PIWIL3: variants seen among roughly 807,000 people sequenced by gnomAD.
PIWIL3 encodes the protein piwi-like protein 3.
Under a neutral mutation model 109.7 loss-of-function variants are expected in PIWIL3, and 101 were observed. That is an observed-to-expected ratio of 0.92 (90% CI 0.78 to 1.09). The LOEUF (loss-of-function observed/expected upper bound fraction) is 1.09. Ranked by LOEUF, PIWIL3 falls within the 50% of genes least tolerant of loss-of-function variation. The probability of loss-of-function intolerance (pLI) is 0.00; values close to 1 mark genes in which losing one functional copy is unlikely to be tolerated. For missense variants in PIWIL3, 1,031 were observed against 1,072.6 expected (o/e 0.96, Z 0.54); for synonymous variants, 373 against 376.4 (o/e 0.99, Z 0.10).
intron 9 of PIWIL3, among the ~76,000 whole-genome samples, chr22:24,750,347 C>T (rs1318412344): frequency 6.6e-6 from 1 of 152,128 alleles, no homozygotes; most frequent in Non-Finnish European, 1.5e-5. Flanking sequence ...ATTGAGGAAT[C>T]CATGTCTTAC....
In PIWIL3 at chr22:24,761,806, C is replaced by G. The variant is rs576983259; in HGVS notation, c.102+592G>C. 167 of 305,124 alleles carry G rather than the reference C, an allele frequency of 5.5e-4. 1 individual carries two copies. Among genetic ancestry groups the G allele is most frequent in the Non-Finnish European group, 7.3e-4 (152 of 208,344 alleles). 18.9% of individuals were successfully genotyped at this position (305,124 alleles called of 1,614,324 possible). On this transcript the variant is annotated intron_variant, in intron 2 of 20. Coordinates refer to ENST00000616349, the MANE Select transcript of PIWIL3 (RefSeq NM_001255975.1). ...TATGTTGAAAACCGAGAATTAGGACCAGGAGGAGGAATTGAGGTTGGAGGG... is the reference window on the plus strand; with the variant it reads ...TATGTTGAAAACCGAGAATTAGGACGAGGAGGAGGAATTGAGGTTGGAGGG...
intron 1 of PIWIL3, among the ~76,000 whole-genome samples, chr22:24,768,226 G>T (rs1925911038): frequency 6.6e-6 from 1 of 151,290 alleles, no homozygotes; most frequent in South Asian, 2.1e-4. Flanking sequence ...TTTTGTTGTT[G>T]TTTTTTGTTG....
At chr22:24,723,351 TAAG>T (rs1389885904) in intron 18 of PIWIL3, 96 bp from the exon 19 acceptor site, 57 of 1,293,272 alleles carry the variant, frequency 4.4e-5, no homozygotes, top group Middle Eastern at 2.6e-4. Flanking sequence ...TAGGACCCAT[TAAG>T]AAGAACAGAC....
rs1922532971 is a variant in PIWIL3, at chr22:24,719,515, T to C, written c.2579A>G (p.Gln860Arg). 4 of 1,605,870 alleles carry C rather than the reference T, an allele frequency of 2.5e-6. No homozygotes were observed. Among genetic ancestry groups the C allele is most frequent in the Middle Eastern group, 1.7e-4 (1 of 6,012 alleles). The stretch of plus-strand genomic sequence containing the variant: ...AGTTGACAAGGAACGATTCGGTTCC[T>C]GGTGAATGGACTGCCCCACGAGGTA... ...LAYLVGQSIH[Q>R]EPNRSLSTRL... Residue 860 changes from glutamine (Q) to arginine (R), a missense_variant, in exon 21 of 21, where the codon CAG becomes CGG. Gln to Arg is a conservative substitution (Grantham distance 43, BLOSUM62 1). Transcript: ENST00000616349.
intron 1 of PIWIL3, among the ~76,000 whole-genome samples, chr22:24,766,215 G>A (rs779780312): frequency 6.6e-6 from 1 of 152,044 alleles, no homozygotes; most frequent in Non-Finnish European, 1.5e-5. Context: ...TTGAGCTCCT[G>A]AGCTCAAGCG....
intron 1 of PIWIL3, among the ~76,000 whole-genome samples, chr22:24,768,751 G>A (rs1368697495): frequency 1.3e-5 from 2 of 152,216 alleles, no homozygotes; most frequent in African/African-American, 4.8e-5. Context: ...CAAGGAGAGA[G>A]ATTTCATTTT....
Position 24,745,417 on chromosome 22 carries a change from C to T in PIWIL3, c.1449+3490G>A, listed in dbSNP as rs548451302. ...TTCAAGACCAACCTGGCCAAGATGG[C>T]AAAATCCCAGGTGCTGGGACTCGGG... On this transcript the variant is annotated intron_variant, in intron 12 of 20. Transcript: ENST00000616349. Among the ~76,000 whole-genome samples, 3 of 152,090 alleles carry T rather than the reference C, an allele frequency of 2.0e-5. No individual in the cohort carries two copies. In the South Asian group the frequency reaches 6.2e-4, roughly 32 times the overall value.
rs1601853308 is a variant in PIWIL3, at chr22:24,764,660, G to A, written c.-22-2139C>T. ...TGTGTGTGTGTGTGTGTGTGTGTGT[G>A]TGTGTGTGTTGAGACAGGATCTCTC... On this transcript the variant is annotated intron_variant, in intron 1 of 20. Coordinates refer to ENST00000616349, the MANE Select transcript of PIWIL3 (RefSeq NM_001255975.1). Among the ~76,000 whole-genome samples the A allele has an allele frequency of 4.0e-5, 6 of 149,696 alleles. No homozygotes were observed. The South Asian group carries it at 1.3e-3, about 31-fold the overall frequency.
At chr22:24,737,232 T>G (rs1409928163) in intron 12 of PIWIL3, among the ~76,000 whole-genome samples, 1 of 152,184 alleles carries the variant, frequency 6.6e-6, no homozygotes, top group Non-Finnish European at 1.5e-5. Flanking sequence ...CTTTGTCTTG[T>G]ATCTTGGATA....
At chr22:24,740,547 C>CAAAAAAA (rs528700128) in intron 12 of PIWIL3, among the ~76,000 whole-genome samples, 3 of 112,462 alleles carry the variant, frequency 2.7e-5, no homozygotes, top group Non-Finnish European at 1.8e-5. Context: ...GACTCCATCT[C>CAAAAAAA]AAAAAAAAAA....
At chr22:24,739,101 G>A (rs773625343) in intron 12 of PIWIL3, among the ~76,000 whole-genome samples, 12 of 152,026 alleles carry the variant, frequency 7.9e-5, no homozygotes, top group Non-Finnish European at 1.8e-4. Flanking sequence ...AGTCTCTTAA[G>A]AGCAGAATTA....
chr22:24,747,420 C>G (rs182331405), intron 12 of PIWIL3, among the ~76,000 whole-genome samples: 3 of 152,234 alleles, frequency 2.0e-5, no homozygotes, highest in African/African-American at 7.2e-5. Flanking sequence ...AGCAATACCC[C>G]ACAAGCACAG....
intron 1 of PIWIL3, among the ~76,000 whole-genome samples, chr22:24,772,200 T>A (rs967149030): frequency 4.6e-5 from 7 of 152,234 alleles, no homozygotes; most frequent in Non-Finnish European, 7.3e-5. Context: ...TTAGATTTGA[T>A]AATCATATTA....
chr22:24,742,479 C>T (rs1258533996), intron 12 of PIWIL3, among the ~76,000 whole-genome samples: 2 of 152,142 alleles, frequency 1.3e-5, no homozygotes, highest in African/African-American at 4.8e-5. Flanking sequence ...CTGGAGGCAT[C>T]ATATTATTTG....
Position 24,726,370 on chromosome 22 carries a change from C to A in PIWIL3, c.2010-855G>T, listed in dbSNP as rs545024473. 2.4e-3 allele frequency among the ~76,000 whole-genome samples: 360 copies of A among 152,022 alleles called. 4 individuals carry two copies. The highest frequency in any genetic ancestry group is 0.02 in the Middle Eastern group (6 of 294). ...TGATCTTGGCTCACTGCAAGCTCCA[C>A]CTCCCGGGTTCACGCCATTCTCCTA... On this transcript the variant is annotated intron_variant, in intron 16 of 20. Transcript: ENST00000616349.
chr22:24,749,272 C>A, intron 11 of PIWIL3, 132 bp downstream of exon 11: 1 of 1,388,304 alleles, frequency 7.2e-7, no homozygotes, highest in Non-Finnish European at 9.7e-7. Context: ...CTAGAGTTGT[C>A]CCCCAACATC....
chr22:24,762,978 CA>C (rs1419255792), intron 1 of PIWIL3, among the ~76,000 whole-genome samples: 1 of 152,036 alleles, frequency 6.6e-6, no homozygotes, highest in Non-Finnish European at 1.5e-5. Flanking sequence ...AAGCCATATC[CA>C]AACCATAGCA....
At position 24,762,417 on chromosome 22, in the gene PIWIL3, C is replaced by T. The variant is rs199951653; in HGVS notation, c.83G>A (p.Arg28Lys). 2 of 1,613,904 alleles carry T rather than the reference C, an allele frequency of 1.2e-6. No individual in the cohort carries two copies. Among genetic ancestry groups the T allele is most frequent in the Non-Finnish European group, 1.7e-6 (2 of 1,179,906 alleles). ...GCTCACTGTAGCTGATCCAGGTGCT[C>T]TGGGTCCCCCAGGTGCCTCTTGTTG... ...SYQQEAPGGPRAPGSATTQEP... is the reference protein window; with the variant it reads ...SYQQEAPGGPKAPGSATTQEP... Residue 28 changes from arginine to lysine, a missense_variant, in exon 2 of 21, where the codon AGA (arginine) becomes AAA (lysine). Physicochemically the swap from Arg to Lys is conservative, Grantham distance 26. Transcript: ENST00000616349.
chr22:24,745,290 G>A (rs886672608), intron 12 of PIWIL3, among the ~76,000 whole-genome samples: 2 of 152,086 alleles, frequency 1.3e-5, no homozygotes, highest in Admixed American at 1.3e-4. Flanking sequence ...ACCTAATGAC[G>A]CATCTTAAAG....
Sources: allele counts gnomAD v4.1 joint callset (sites outside exome capture counted in the v4.1 genomes callset), GRCh38; gene constraint gnomAD v4.1.1; transcripts MANE v1.5; gene names NCBI Gene and HGNC (gene_info 2026-07-23, HGNC 2026-07-21).